The following MBOAT2 variants were observed in gnomAD, a reference collection of about 807,000 sequenced individuals.
The protein encoded by MBOAT2 is membrane-bound glycerophospholipid O-acyltransferase 2.
In MBOAT2, 28 loss-of-function variants were observed where a neutral mutation model predicts 63.4. That is an observed-to-expected ratio of 0.44 (90% CI 0.33 to 0.61). MBOAT2 has a LOEUF of 0.61. Ranked by LOEUF, MBOAT2 falls within the 20% of genes least tolerant of loss-of-function variation. The pLI, the probability that MBOAT2 is intolerant of heterozygous loss-of-function variation, is 0.03. For missense variants in MBOAT2, 470 were observed against 605.8 expected (o/e 0.78, Z 2.35); for synonymous variants, 211 against 215.6 (o/e 0.98, Z 0.19).
chr2:8,950,031 C>T (rs971674200), intron 2 of MBOAT2, among the ~76,000 whole-genome samples: 4 of 152,122 alleles, frequency 2.6e-5, no homozygotes, highest in Admixed American at 6.5e-5. Flanking sequence ...AAAGATCTTT[C>T]GCCTCCCTAG....
chr2:8,896,656 G>A (rs1026318841), intron 4 of MBOAT2, among the ~76,000 whole-genome samples: 2 of 152,170 alleles, frequency 1.3e-5, no homozygotes, highest in Admixed American at 1.3e-4. Flanking sequence ...CTTAAAATTG[G>A]TATAGACGGC....
At chr2:8,908,445 G>T (rs1665486972) in intron 4 of MBOAT2, 176 bp downstream of exon 4, 1 of 524,212 alleles carries the variant, frequency 1.9e-6, no homozygotes. Flanking sequence ...TACTGACTTA[G>T]ATAGTACTAA....
At chr2:8,869,037 T>G (rs1037601665) in intron 8 of MBOAT2, among the ~76,000 whole-genome samples, 3 of 152,040 alleles carry the variant, frequency 2.0e-5, no homozygotes, top group African/African-American at 7.2e-5. Flanking sequence ...ACCTACTCTG[T>G]GTATATGTCT....
intron 6 of MBOAT2, among the ~76,000 whole-genome samples, chr2:8,881,355 A>G (rs1490603260): frequency 6.6e-6 from 1 of 152,198 alleles, no homozygotes; most frequent in Non-Finnish European, 1.5e-5. Flanking sequence ...GAAGGAGACT[A>G]TATCATCTTA....
At chr2:8,967,866 G>T (rs1670114983) in intron 1 of MBOAT2, among the ~76,000 whole-genome samples, 1 of 151,678 alleles carries the variant, frequency 6.6e-6, no homozygotes, top group African/African-American at 2.4e-5. Flanking sequence ...TTCCTTCATG[G>T]GCAAAACACC....
intron 1 of MBOAT2, among the ~76,000 whole-genome samples, chr2:8,975,485 T>A (rs1481667553): frequency 6.6e-6 from 1 of 152,034 alleles, no homozygotes; most frequent in Admixed American, 6.6e-5. Context: ...TTTCATTCAC[T>A]GAAAGGAAAA....
chr2:8,909,301 C>T (rs1321675343), intron 3 of MBOAT2, among the ~76,000 whole-genome samples: 1 of 152,072 alleles, frequency 6.6e-6, no homozygotes, highest in Non-Finnish European at 1.5e-5. Flanking sequence ...CAGAAACAGA[C>T]TCCAGAATAT....
chr2:8,959,832 T>C (rs1669489356), intron 1 of MBOAT2, among the ~76,000 whole-genome samples: 1 of 151,984 alleles, frequency 6.6e-6, no homozygotes, highest in Admixed American at 6.6e-5. Context: ...TTAAAGTCTA[T>C]AAATAAAGGA....
Position 9,003,516 on chromosome 2 carries a change from C to T in MBOAT2, c.75+24G>A. The T allele has an allele frequency of 8.4e-7, 1 of 1,183,590 alleles. No homozygotes were observed. The highest frequency in any genetic ancestry group is 1.6e-5 in the African/African-American group (1 of 62,094). 73.3% of individuals were successfully genotyped at this position (1,183,590 alleles called of 1,614,324 possible). ...GGAGGGGCGGCGAGGGCGCGACGCCCGGCGCCAGGGCGCCTCGGGGTACCT... is the reference window on the plus strand; with the variant it reads ...GGAGGGGCGGCGAGGGCGCGACGCCTGGCGCCAGGGCGCCTCGGGGTACCT... On this transcript the variant is annotated intron_variant, in intron 1 of 12. Transcript: ENST00000305997. The surrounding 1 kb of genome is among the most constrained non-coding windows in gnomAD (Gnocchi z 5.4).
chr2:8,996,701 T>A (rs1287113671), intron 1 of MBOAT2, among the ~76,000 whole-genome samples: 3 of 152,170 alleles, frequency 2.0e-5, no homozygotes, highest in Non-Finnish European at 4.4e-5. Context: ...ACCCTCCACA[T>A]CTAGTGCAGC....
At chr2:8,902,910 T>C (rs953245189) in intron 4 of MBOAT2, among the ~76,000 whole-genome samples, 33 of 152,190 alleles carry the variant, frequency 2.2e-4, no homozygotes, top group Non-Finnish European at 5.9e-5. Flanking sequence ...ATTCCCTTAT[T>C]TGGCTCCACC....
intron 7 of MBOAT2, among the ~76,000 whole-genome samples, chr2:8,873,636 A>C (rs1662503702): frequency 6.6e-6 from 1 of 152,166 alleles, no homozygotes; most frequent in Non-Finnish European, 1.5e-5. Flanking sequence ...ATTAACACTA[A>C]TTACTTTTGG....
At chr2:8,954,211 T>C (rs1447999703) in intron 2 of MBOAT2, among the ~76,000 whole-genome samples, 2 of 151,964 alleles carry the variant, frequency 1.3e-5, no homozygotes, top group Admixed American at 6.6e-5. Context: ...TTTTGGCAGG[T>C]TTTATATCAG....
At chr2:8,864,258 C>T in intron 9 of MBOAT2, 24 bp from the exon 10 acceptor site, 1 of 1,426,680 alleles carries the variant, frequency 7.0e-7, no homozygotes, top group Non-Finnish European at 9.6e-7. Flanking sequence ...AAACTTTTTT[C>T]TTTGTGTCAC....
intron 4 of MBOAT2, among the ~76,000 whole-genome samples, chr2:8,896,888 G>T (rs189864865): frequency 6.6e-6 from 1 of 151,182 alleles, no homozygotes; most frequent in East Asian, 1.9e-4. Context: ...ACCTTTGTAT[G>T]ATAATTAAGA....
chr2:8,954,184 A>G (rs568240319), intron 2 of MBOAT2, among the ~76,000 whole-genome samples: 9 of 151,742 alleles, frequency 5.9e-5, no homozygotes, highest in African/African-American at 1.7e-4. Flanking sequence ...CTTTGCTTCT[A>G]TAGCCCTATA....
chr2:8,967,444 C>T (rs897613179), intron 1 of MBOAT2, among the ~76,000 whole-genome samples: 1 of 152,098 alleles, frequency 6.6e-6, no homozygotes. Flanking sequence ...GAGCTTCACT[C>T]GAATAAATGG....
At chr2:8,939,469 T>C (rs1667895871) in intron 3 of MBOAT2, among the ~76,000 whole-genome samples, 1 of 152,076 alleles carries the variant, frequency 6.6e-6, no homozygotes, top group Admixed American at 6.5e-5. Context: ...GGGAAAGATG[T>C]CTTGTGACAG....
rs568191729 is a variant in MBOAT2 at position 8,910,930 on chromosome 2, G to A, written c.300-2214C>T. ...CTGGCAATTTCTTATGAAAAAGAACGACTAGTTCAGGGTGTGGAGTCAAGA... is the reference window on the plus strand; with the variant it reads ...CTGGCAATTTCTTATGAAAAAGAACAACTAGTTCAGGGTGTGGAGTCAAGA... On this transcript the variant is annotated intron_variant, in intron 3 of 12. Transcript: ENST00000305997. Among the ~76,000 whole-genome samples the A allele has an allele frequency of 7.9e-5, 12 of 152,270 alleles. No homozygotes were observed. The South Asian group carries it at 2.3e-3, about 29-fold the overall frequency.
Sources: gnomAD v4.1 joint callset for allele counts (sites outside exome capture counted in the v4.1 genomes callset) on GRCh38, gnomAD v4.1.1 for gene constraint, Gnocchi (gnomAD v3.1) non-coding constraint, MANE v1.5 for transcripts, NCBI Gene and HGNC (gene_info 2026-07-23, HGNC 2026-07-21) for gene names.